Variants in SRGAP3 observed in about 807,000 individuals in gnomAD.
SRGAP3 encodes SLIT-ROBO Rho GTPase activating protein 3.
A neutral mutation model predicts 121.1 loss-of-function variants in SRGAP3; 39 were observed. The observed-to-expected ratio is 0.32, with a 90% confidence interval of 0.25 to 0.42. The LOEUF is 0.42. SRGAP3 is among the 10% of genes least tolerant of loss of function. The pLI is 1.00. For synonymous variants in SRGAP3, 601 were observed against 570.0 expected (o/e 1.05, Z -0.77); for missense variants, 1,213 against 1,470.6 (o/e 0.82, Z 2.86).
At chr3:9,163,809 C>T (rs984193022) in intron 1 of SRGAP3, among the ~76,000 whole-genome samples, 7 of 152,056 alleles carry the variant, frequency 4.6e-5, no homozygotes, top group African/African-American at 1.7e-4. Flanking sequence ...CACTGACACT[C>T]CCAGTGGAAA....
At chr3:9,304,412 C>T (rs867582237) in intron 3 of SRGAP3, among the ~76,000 whole-genome samples, 5 of 152,238 alleles carry the variant, frequency 3.3e-5, no homozygotes, top group Admixed American at 2.0e-4. Context: ...GTTACAAGAA[C>T]GGTAGAATGA....
intron 18 of SRGAP3, among the ~76,000 whole-genome samples, chr3:9,002,903 A>C (rs920802788): frequency 4.6e-5 from 7 of 152,210 alleles, no homozygotes; most frequent in African/African-American, 1.7e-4. Flanking sequence ...AGAAAAAAAA[A>C]TGAATACACT....
intron 3 of SRGAP3, among the ~76,000 whole-genome samples, chr3:9,294,546 C>CAA (rs1392317882): frequency 1.2e-5 from 1 of 84,384 alleles, no homozygotes; most frequent in African/African-American, 3.6e-5. Flanking sequence ...AACAAACAAA[C>CAA]AAACAAAAAA....
intron 1 of SRGAP3, among the ~76,000 whole-genome samples, chr3:9,142,234 G>A (rs987351960): frequency 3.3e-5 from 5 of 152,106 alleles, no homozygotes; most frequent in Admixed American, 2.0e-4. Context: ...AAAAAGTTAC[G>A]CAAATGGGCA....
chr3:9,235,151 G>A (rs766508530), intron 1 of SRGAP3, among the ~76,000 whole-genome samples: 1 of 152,120 alleles, frequency 6.6e-6, no homozygotes, highest in African/African-American at 2.4e-5. Context: ...GGACGTAGGA[G>A]GTCACGCATA....
At chr3:8,990,885 C>A in intron 20 of SRGAP3, 46 bp from the exon 21 acceptor site, 1 of 1,451,052 alleles carries the variant, frequency 6.9e-7, no homozygotes, top group Non-Finnish European at 9.1e-7. Context: ...GAGGTCAAGC[C>A]TGGCAAGTCT....
chr3:8,999,205 G>C (rs489780), intron 18 of SRGAP3, among the ~76,000 whole-genome samples: 91,933 of 152,026 alleles, frequency 0.6, 28,728 homozygotes, highest in African/African-American at 0.77. Flanking sequence ...GGCCTGGCTG[G>C]AGTCACATTT....
At chr3:9,346,875 C>G (rs1183800181) in intron 1 of SRGAP3, among the ~76,000 whole-genome samples, 3 of 151,624 alleles carry the variant, frequency 2.0e-5, no homozygotes, top group African/African-American at 7.3e-5. Flanking sequence ...CCTGCCTCAG[C>G]CTCCCAAGTA....
chr3:9,149,495 C>T (rs958620374), intron 1 of SRGAP3, among the ~76,000 whole-genome samples: 1 of 152,198 alleles, frequency 6.6e-6, no homozygotes, highest in Non-Finnish European at 1.5e-5. Context: ...TAGTTCCCCA[C>T]TCCTTGAAAC....
intron 4 of SRGAP3, among the ~76,000 whole-genome samples, chr3:9,076,561 C>T (rs748640064): frequency 1.3e-5 from 2 of 152,140 alleles, no homozygotes; most frequent in Admixed American, 6.5e-5. Flanking sequence ...TCCTGCATTG[C>T]CTTCCCTGTT....
chr3:9,141,858 G>T (rs1232896120), intron 1 of SRGAP3, among the ~76,000 whole-genome samples: 1 of 152,140 alleles, frequency 6.6e-6, no homozygotes, highest in Non-Finnish European at 1.5e-5. Context: ...GATGGAGGCT[G>T]GCAAGACATA....
chr3:9,309,274 T>C (rs895498791), intron 3 of SRGAP3, among the ~76,000 whole-genome samples: 4 of 151,992 alleles, frequency 2.6e-5, no homozygotes, highest in African/African-American at 7.3e-5. Context: ...AACAACAGAG[T>C]GTTGTATTAA....
chr3:9,037,972 G>T lies in SRGAP3; in HGVS notation c.1436+91C>A, dbSNP rs1944839829. ...GGACATTGGTGAAGAAGCCATCCCT[G>T]CTTCTCCAGCTCCTGGCAGTGCCTC... On this transcript the variant is annotated intron_variant, in intron 11 of 21. Transcript: ENST00000383836. 1.9e-6 allele frequency: 3 copies of T among 1,559,542 alleles called. No homozygotes were observed. The East Asian group carries it at 6.7e-5, about 35-fold the overall frequency.
At chr3:9,116,876 A>C (rs1349147630) in intron 2 of SRGAP3, among the ~76,000 whole-genome samples, 2 of 152,222 alleles carry the variant, frequency 1.3e-5, no homozygotes, top group African/African-American at 4.8e-5. Context: ...TAGAAAGATA[A>C]AGACAGCCCC....
Position 8,999,001 on chromosome 3 carries a change from G to A in SRGAP3, c.2228-4478C>T, listed in dbSNP as rs531453750. On this transcript the variant is annotated intron_variant, in intron 18 of 21. Coordinates refer to ENST00000383836, the MANE Select transcript of SRGAP3 (RefSeq NM_014850.4). The stretch of plus-strand genomic sequence containing the variant: ...TTTGAATTGTGCTAAGCTTATTCCT[G>A]CCACAAGGTCTTTGCATCTGTACAG... Among the ~76,000 whole-genome samples the A allele has an allele frequency of 4.0e-4, 61 of 152,296 alleles. 1 individual carries two copies. The highest frequency in any genetic ancestry group is 3.4e-3 in the Middle Eastern group (1 of 294).
At chr3:9,224,199 C>T (rs1325406819) in intron 1 of SRGAP3, among the ~76,000 whole-genome samples, 1 of 152,226 alleles carries the variant, frequency 6.6e-6, no homozygotes, top group Non-Finnish European at 1.5e-5. Context: ...TAGAACAACT[C>T]ATTTAGACAT....
intron 1 of SRGAP3, among the ~76,000 whole-genome samples, chr3:9,200,699 C>T (rs1952042133): frequency 1.3e-5 from 2 of 152,176 alleles, no homozygotes; most frequent in African/African-American, 2.4e-5. Flanking sequence ...CCCAAAAAGA[C>T]AGGGTTCCAG....
chr3:9,103,150 G>A (rs951558999), intron 3 of SRGAP3, among the ~76,000 whole-genome samples: 6 of 152,142 alleles, frequency 3.9e-5, no homozygotes, highest in African/African-American at 1.4e-4. Context: ...ATTAGCCTGC[G>A]ATTACACTTT....
At chr3:9,242,332 A>C (rs1953674565) in intron 1 of SRGAP3, among the ~76,000 whole-genome samples, 1 of 152,170 alleles carries the variant, frequency 6.6e-6, no homozygotes, top group Non-Finnish European at 1.5e-5. Flanking sequence ...CCAACTAAGA[A>C]GGATATCAAA....
Sources: allele counts gnomAD v4.1 joint callset (sites outside exome capture counted in the v4.1 genomes callset), GRCh38; gene constraint gnomAD v4.1.1; transcripts MANE v1.5; gene names NCBI Gene and HGNC (gene_info 2026-07-23, HGNC 2026-07-21).